Variants in MYO5B observed in about 807,000 individuals in gnomAD.
The protein encoded by MYO5B is myosin VB, also known as unconventional myosin-Vb.
In MYO5B, 143 loss-of-function variants were observed where a neutral mutation model predicts 229.3. The observed-to-expected ratio is 0.62, with a 90% CI of 0.54 to 0.72. The LOEUF is 0.72. Among genes scored for constraint, MYO5B ranks in the 30% least tolerant of loss-of-function variants. MYO5B has a pLI of 0.00. For missense variants in MYO5B, 2,321 were observed against 2,331.0 expected (o/e 1.00, Z 0.09); for synonymous variants, 918 against 885.2 (o/e 1.04, Z -0.66).
intron 1 of MYO5B, among the ~76,000 whole-genome samples, chr18:50,089,014 A>G (rs2144485301): frequency 6.6e-6 from 1 of 152,326 alleles, no homozygotes; most frequent in Non-Finnish European, 1.5e-5. Flanking sequence ...GTAACCTGGC[A>G]AAAGTAACCT....
intron 4 of MYO5B, among the ~76,000 whole-genome samples, chr18:50,004,502 C>G (rs2144331813): frequency 6.6e-6 from 1 of 152,280 alleles, no homozygotes; most frequent in South Asian, 2.1e-4. Context: ...CTTCTTAGAC[C>G]AACAAGCACC....
chr18:50,137,363 A>G (rs1258203175), intron 1 of MYO5B, among the ~76,000 whole-genome samples: 1 of 152,232 alleles, frequency 6.6e-6, no homozygotes, highest in Non-Finnish European at 1.5e-5. Context: ...CATGGAACCC[A>G]CCTTCAAAGC....
At chr18:49,990,943 A>G (rs1359154420) in intron 6 of MYO5B, among the ~76,000 whole-genome samples, 1 of 149,392 alleles carries the variant, frequency 6.7e-6, no homozygotes, top group Non-Finnish European at 1.5e-5. Context: ...CTTGCCCATC[A>G]GGTCAGGCTG....
intron 17 of MYO5B, among the ~76,000 whole-genome samples, chr18:49,926,322 A>G (rs1479724961): frequency 6.6e-6 from 1 of 152,196 alleles, no homozygotes; most frequent in African/African-American, 2.4e-5. Flanking sequence ...GTAATTAATC[A>G]CTGCATACGA....
chr18:49,905,592 A>C (rs2024890073), intron 19 of MYO5B, among the ~76,000 whole-genome samples: 1 of 152,212 alleles, frequency 6.6e-6, no homozygotes, highest in Non-Finnish European at 1.5e-5. Flanking sequence ...TGTTTGCTGA[A>C]ATGCATCTGA....
intron 1 of MYO5B, among the ~76,000 whole-genome samples, chr18:50,175,425 GT>G (rs2032981923): frequency 6.6e-6 from 1 of 152,184 alleles, no homozygotes; most frequent in South Asian, 2.1e-4. Context: ...ACTAAAGCAT[GT>G]TTTAAACTAT....
At chr18:49,956,107 TA>T (rs35181934) in intron 12 of MYO5B, among the ~76,000 whole-genome samples, 29,006 of 152,164 alleles carry the variant, frequency 0.19, 2,949 homozygotes, top group African/African-American at 0.24. Context: ...AGTGTATACA[TA>T]ATTTTCTGAC....
chr18:50,151,468 T>C (rs1599060183), intron 1 of MYO5B, among the ~76,000 whole-genome samples: 1 of 152,312 alleles, frequency 6.6e-6, no homozygotes, highest in South Asian at 2.1e-4. Flanking sequence ...ATCTTAAATT[T>C]CTACTATTCA....
chr18:50,118,715 C>A (rs1339148628), intron 1 of MYO5B, among the ~76,000 whole-genome samples: 1 of 151,480 alleles, frequency 6.6e-6, no homozygotes, highest in Non-Finnish European at 1.5e-5. Flanking sequence ...AGCTCCGCCT[C>A]CAGGGTTCAC....
intron 1 of MYO5B, among the ~76,000 whole-genome samples, chr18:50,159,618 C>A (rs1217037184): frequency 6.6e-6 from 1 of 152,162 alleles, no homozygotes; most frequent in Non-Finnish European, 1.5e-5. Context: ...CCCAAATCCT[C>A]CCCCACAGAC....
chr18:50,138,360 G>A (rs756639819), intron 1 of MYO5B, among the ~76,000 whole-genome samples: 5 of 152,164 alleles, frequency 3.3e-5, no homozygotes, highest in Admixed American at 6.5e-5. Context: ...CACAGGAAAC[G>A]AATTATTTTG....
intron 32 of MYO5B, 41 bp from the exon 33 acceptor site, chr18:49,847,330 A>G (rs1273506860): frequency 3.7e-6 from 6 of 1,604,342 alleles, no homozygotes; most frequent in Non-Finnish European, 5.1e-6. Context: ...TGAGACTTCC[A>G]GCTGCAGGCC....
At position 50,104,089 on chromosome 18, in the gene MYO5B, A is replaced by C. The variant is rs370382619; in HGVS notation, c.28-48711T>G. Among the ~76,000 whole-genome samples the C allele has an allele frequency of 8.1e-5, 12 of 147,884 alleles. No individual in the cohort carries two copies. In the East Asian group the frequency reaches 2.2e-3, roughly 27 times the overall value. On this transcript the variant is annotated intron_variant, in intron 1 of 39. Transcript: ENST00000285039. Reference sequence around the variant, plus strand: ...TGAGGCAGGTGGATCTCTTGAGCCCAGGAGTTTGAGTTTACAGTGGTGAGC... The same window carrying C: ...TGAGGCAGGTGGATCTCTTGAGCCCCGGAGTTTGAGTTTACAGTGGTGAGC...
At chr18:50,112,463 C>T (rs1231054207) in intron 1 of MYO5B, among the ~76,000 whole-genome samples, 1 of 152,208 alleles carries the variant, frequency 6.6e-6, no homozygotes, top group Non-Finnish European at 1.5e-5. Context: ...CACCCACCTG[C>T]CCACACCCAA....
intron 14 of MYO5B, among the ~76,000 whole-genome samples, chr18:49,946,655 C>A (rs2025376343): frequency 8.8e-6 from 1 of 113,808 alleles, no homozygotes; most frequent in African/African-American, 3.5e-5. Flanking sequence ...CCTAAGCTGG[C>A]ACTGTGCTAT....
At chr18:49,907,607 A>G (rs1054442291) in intron 18 of MYO5B, among the ~76,000 whole-genome samples, 4 of 152,258 alleles carry the variant, frequency 2.6e-5, no homozygotes, top group African/African-American at 9.6e-5. Flanking sequence ...AGCCAAGTCC[A>G]AGGAAAATAC....
intron 17 of MYO5B, among the ~76,000 whole-genome samples, chr18:49,926,088 G>A (rs562656524): frequency 6.6e-6 from 1 of 152,162 alleles, no homozygotes; most frequent in South Asian, 2.1e-4. Flanking sequence ...TTTCTAAGCA[G>A]GGACAGATGT....
At chr18:49,856,926 G>A in intron 29 of MYO5B, 36 bp from the exon 30 acceptor site, 1 of 1,552,470 alleles carries the variant, frequency 6.4e-7, no homozygotes, top group South Asian at 1.1e-5. Flanking sequence ...GGTGTCCAGT[G>A]TAGACGGAAG....
chr18:49,957,672 C>CAAAAT (rs1408083643), intron 12 of MYO5B, among the ~76,000 whole-genome samples: 32 of 106,294 alleles, frequency 3.0e-4, no homozygotes, highest in Non-Finnish European at 3.0e-4. Flanking sequence ...CAAAACAAAA[C>CAAAAT]AAAAAAAGCC....
Sources: allele counts gnomAD v4.1 joint callset (sites outside exome capture counted in the v4.1 genomes callset), GRCh38; gene constraint gnomAD v4.1.1; transcripts MANE v1.5; gene names NCBI Gene and HGNC (gene_info 2026-07-23, HGNC 2026-07-21).